Variants in TTC21A observed in about 807,000 individuals in gnomAD.
TTC21A encodes tetratricopeptide repeat domain 21A, also known as tetratricopeptide repeat protein 21A.
In TTC21A, 128 loss-of-function variants were observed where a neutral mutation model predicts 156.4. The ratio of observed to expected loss-of-function variants is 0.82; its 90% CI spans 0.71 to 0.95. TTC21A has a LOEUF of 0.95. Among genes scored for constraint, TTC21A ranks in the 40% least tolerant of loss-of-function variants. The probability of loss-of-function intolerance (pLI) is 0.00; values close to 1 mark genes in which losing one functional copy is unlikely to be tolerated. For synonymous variants in TTC21A, 587 were observed against 617.1 expected (o/e 0.95, Z 0.72); for missense variants, 1,435 against 1,602.3 (o/e 0.90, Z 1.78).
At chr3:39,121,966 A>G (rs1484484976) in intron 9 of TTC21A, among the ~76,000 whole-genome samples, 2 of 152,164 alleles carry the variant, frequency 1.3e-5, no homozygotes, top group Non-Finnish European at 2.9e-5. Flanking sequence ...CCTCAAATCC[A>G]TGCTTTCCCT....
chr3:39,129,359 TAGGG>T (rs1330149686), intron 15 of TTC21A, 49 bp downstream of exon 15: 1 of 1,380,716 alleles, frequency 7.2e-7, no homozygotes, highest in African/African-American at 1.4e-5. Context: ...AATGGTATCT[TAGGG>T]AGTGTTTCCT....
intron 12 of TTC21A, among the ~76,000 whole-genome samples, 166 bp downstream of exon 12, chr3:39,126,556 C>T (rs114338198): frequency 0.024 from 3,562 of 150,416 alleles, 141 homozygotes; most frequent in African/African-American, 0.081. Context: ...CACACACACA[C>T]ACATGCATGC....
chr3:39,109,983 C>T, intron 2 of TTC21A, 46 bp from the exon 3 acceptor site: 1 of 1,416,966 alleles, frequency 7.1e-7, no homozygotes, highest in South Asian at 1.2e-5. Context: ...CTCATGTCCT[C>T]TAGTCCTGGA....
At position 39,130,276 on chromosome 3, in the gene TTC21A, A is replaced by C. The variant is rs1480645595; in HGVS notation, c.2237A>C (p.Glu746Ala). The C allele has an allele frequency of 6.2e-7, 1 of 1,613,882 alleles. No individual in the cohort carries two copies. Among genetic ancestry groups the C allele is most frequent in the South Asian group, 1.1e-5 (1 of 91,018 alleles). Residue 746 changes from glutamate (E) to alanine (A), a missense_variant, in exon 17 of 29, where the codon GAG becomes GCG. Physicochemically the swap from Glu to Ala is moderately radical, Grantham distance 107. Transcript: ENST00000683103. This position sits in a 1 kb window ranked among gnomAD's most constrained non-coding sequence, Gnocchi z 4.5. ...EPEKALEVYD[E>A]AYRQNPHDAS... ...GAGAAGGCCCTGGAGGTCTATGATG[A>C]GGCCTATAGACAGAACCCACATGAC...
chr3:39,108,156 C>T (rs1045976375), intron 1 of TTC21A: 29 of 566,652 alleles, frequency 5.1e-5, no homozygotes, highest in Non-Finnish European at 2.5e-5. Context: ...TCACTCTCGC[C>T]TGCGCCTCCC....
In TTC21A at chr3:39,135,059, TG is replaced by T. The variant is rs750796095; in HGVS notation, c.2863-31del. 21 of 1,603,282 alleles carry T rather than the reference TG, an allele frequency of 1.3e-5. No individual in the cohort carries two copies. In the South Asian group the frequency reaches 2.0e-4, roughly 15 times the overall value. ...CTACACCCATGCAAGCTGCCACTGT[TG>T]GGAAATCTGGAGCTTTGTGTGTTTT... is the stretch of plus-strand genomic sequence containing the variant. On this transcript the variant is annotated intron_variant, in intron 21 of 28. Transcript: ENST00000683103.
At chr3:39,123,752 A>T (rs1158666775) in intron 9 of TTC21A, among the ~76,000 whole-genome samples, 2 of 152,182 alleles carry the variant, frequency 1.3e-5, no homozygotes, top group African/African-American at 4.8e-5. Flanking sequence ...TTACTACATG[A>T]CAAGGTACTG....
rs1454301772 is a variant in TTC21A at position 39,120,978 on chromosome 3, A to G, written c.901-19A>G. On this transcript the variant is annotated intron_variant, in intron 8 of 28. Coordinates refer to ENST00000683103, the MANE Select transcript of TTC21A (RefSeq NM_001366900.1). ...TGGACTGACTGGTTTCCCAATTCCC[A>G]CCTTCCTGTTTCTTGCAGTGTGGGA... The G allele has an allele frequency of 6.3e-7, 1 of 1,578,494 alleles. No individual in the cohort carries two copies. The highest frequency in any genetic ancestry group is 8.6e-7 in the Non-Finnish European group (1 of 1,159,852).
At chr3:39,110,295 C>T (rs2036700080) in intron 3 of TTC21A, 156 bp downstream of exon 3, 5 of 693,654 alleles carry the variant, frequency 7.2e-6, no homozygotes, top group Non-Finnish European at 1.0e-5. Context: ...CTGCTCCTCT[C>T]CCCCTGGAGG....
Position 39,134,414 on chromosome 3 carries a change from C to A in TTC21A, c.2862+86C>A. The stretch of plus-strand genomic sequence containing the variant: ...ACCAGATGCAGGCTACTTCCTAGCC[C>A]CGTAACCTCAGATGCCTCACTGACA... On this transcript the variant is annotated intron_variant, in intron 21 of 28. Coordinates refer to ENST00000683103, the MANE Select transcript of TTC21A (RefSeq NM_001366900.1). The surrounding 1 kb of genome is among the most constrained non-coding windows in gnomAD (Gnocchi z 4.6). 1.0e-6 allele frequency: 1 copy of A among 959,508 alleles called. No homozygotes were observed. The highest frequency in any genetic ancestry group is 1.7e-6 in the Non-Finnish European group (1 of 584,156). 59.4% of individuals were successfully genotyped at this position (959,508 alleles called of 1,614,324 possible). A position where few individuals can be genotyped will look rare whatever the true frequency, so the allele number is the denominator to read the frequency against.
intron 9 of TTC21A, among the ~76,000 whole-genome samples, chr3:39,123,502 C>A (rs1195957776): frequency 6.6e-6 from 1 of 152,092 alleles, no homozygotes. Context: ...TAGTTGGATA[C>A]CCTGCTATCC....
chr3:39,135,401 G>C (rs1365996130), intron 22 of TTC21A, among the ~76,000 whole-genome samples: 8 of 152,224 alleles, frequency 5.3e-5, no homozygotes. Context: ...CTGGACCCAG[G>C]ACAGCATGTC....
At chr3:39,132,742 C>T in intron 19 of TTC21A, 2 of 427,478 alleles carry the variant, frequency 4.7e-6, no homozygotes, top group Non-Finnish European at 8.5e-6. Flanking sequence ...TGTGCTAGTT[C>T]TAGCCTGTAG....
chr3:39,134,319 C>G lies in TTC21A; in HGVS notation c.2853C>G (p.Thr951=). Residue 951 remains threonine (T), a synonymous_variant, in exon 21 of 29, where the codon ACC becomes ACG. Transcript: ENST00000683103. This position sits in a 1 kb window ranked among gnomAD's most constrained non-coding sequence, Gnocchi z 4.6. ...ILLQTEQNHE[T]ASVLMADLMF... ...TGCAGACTGAGCAGAACCATGAGAC[C>G]GCTTCTGTGGTAGGAAGCCCCCAGC... is the stretch of plus-strand genomic sequence containing the variant. 1 of 1,612,516 alleles carries G rather than the reference C, an allele frequency of 6.2e-7. No individual in the cohort carries two copies. The highest frequency in any genetic ancestry group is 1.1e-5 in the South Asian group (1 of 91,056).
At chr3:39,127,945 AGG>A (rs2038402619) in intron 12 of TTC21A, among the ~76,000 whole-genome samples, 2 of 152,276 alleles carry the variant, frequency 1.3e-5, no homozygotes, top group Non-Finnish European at 2.9e-5. Context: ...AACATAGAGC[AGG>A]AGCTTCTTAA....
In TTC21A at chr3:39,137,249, G is replaced by A; in HGVS notation, c.3312G>A (p.Leu1104=). Residue 1104 remains leucine, a synonymous_variant, in exon 25 of 29, where the codon CTG becomes CTA. Coordinates refer to ENST00000683103, the MANE Select transcript of TTC21A (RefSeq NM_001366900.1). ...EQQGVSTAEK[L]LREFYPHSDS... is the part of the protein sequence containing the mutation. ...AGGGTGTGAGCACCGCCGAGAAACT[G>A]CTGCGTGAGTTTTACCCACATTCAG... 6.2e-7 allele frequency: 1 copy of A among 1,614,214 alleles called. No individual in the cohort carries two copies. Among genetic ancestry groups the A allele is most frequent in the South Asian group, 1.1e-5 (1 of 91,086 alleles).
intron 8 of TTC21A, among the ~76,000 whole-genome samples, 169 bp from the exon 9 acceptor site, chr3:39,120,828 T>G (rs2037707153): frequency 6.6e-6 from 1 of 152,180 alleles, no homozygotes; most frequent in Non-Finnish European, 1.5e-5. Context: ...GAGAGGTTCC[T>G]TGGGAGCCAG....
rs994296656 is a variant in TTC21A, at chr3:39,130,647, G to A, written c.2320-54G>A. On this transcript the variant is annotated intron_variant, in intron 17 of 28. Coordinates refer to ENST00000683103, the MANE Select transcript of TTC21A (RefSeq NM_001366900.1). This position sits in a 1 kb window ranked among gnomAD's most constrained non-coding sequence, Gnocchi z 4.5. The stretch of plus-strand genomic sequence containing the variant: ...TGGCTGCTGAGGGGAACATGGTGTC[G>A]GGCACTGAAGGGCAGAACCAGGCCA... 50 of 1,601,026 alleles carry A rather than the reference G, an allele frequency of 3.1e-5. No individual in the cohort carries two copies. The highest frequency in any genetic ancestry group is 1.6e-4 in the African/African-American group (12 of 74,584).
Position 39,119,991 on chromosome 3 carries a change from C to G in TTC21A, c.871C>G (p.Leu291Val). 1.2e-6 allele frequency: 2 copies of G among 1,608,614 alleles called. No homozygotes were observed. Among genetic ancestry groups the G allele is most frequent in the South Asian group, 2.2e-5 (2 of 90,980 alleles). The change falls in exon 8 of 29, where the codon CTT becomes GTT. Residue 291 changes from leucine (L) to valine (V), a missense_variant. Coordinates refer to ENST00000683103, the MANE Select transcript of TTC21A (RefSeq NM_001366900.1). Reference sequence around the variant, plus strand: ...GGAACCCGAAAATCCAAGCCTCCATCTTAAAAAAATTATTGTGGTTAGCCG... The same window carrying G: ...GGAACCCGAAAATCCAAGCCTCCATGTTAAAAAAATTATTGTGGTTAGCCG... ...TREPENPSLH[L>V]KKIIVVSRLC...
Sources: allele counts gnomAD v4.1 joint callset (sites outside exome capture counted in the v4.1 genomes callset), GRCh38; gene constraint gnomAD v4.1.1; non-coding constraint Gnocchi (gnomAD v3.1); transcripts MANE v1.5; gene names NCBI Gene and HGNC (gene_info 2026-07-23, HGNC 2026-07-21).